Variants in WARS1 observed in about 807,000 individuals in gnomAD.
The protein encoded by WARS1 is tryptophanyl-tRNA synthetase 1, also known as tryptophan--tRNA ligase, cytoplasmic.
Under a neutral mutation model 47.8 loss-of-function variants are expected in WARS1, and 17 were observed. The ratio of observed to expected loss-of-function variants is 0.36; its 90% CI spans 0.24 to 0.53. The LOEUF is 0.53. WARS1 is among the 20% of genes least tolerant of loss of function. The pLI, the probability that WARS1 is intolerant of heterozygous loss-of-function variation, is 0.91. For synonymous variants in WARS1, 208 were observed against 228.1 expected, an observed-to-expected ratio of 0.91 and a Z score of 0.79; for missense variants, 434 against 608.0, an observed-to-expected ratio of 0.71 and a Z score of 3.01.
chr14:100,354,334 C>G, intron 5 of WARS1, 113 bp downstream of exon 5: 1 of 1,470,276 alleles, frequency 6.8e-7, no homozygotes, highest in South Asian at 1.4e-5. Context: ...CTCTTGACAT[C>G]TTGGTTGCTC....
At chr14:100,360,947 C>T (rs957887827) in intron 3 of WARS1, among the ~76,000 whole-genome samples, 2 of 152,040 alleles carry the variant, frequency 1.3e-5, no homozygotes, top group African/African-American at 4.8e-5. Flanking sequence ...GAATGCAGTC[C>T]AGCTAGCAAC....
chr14:100,344,735 G>T (rs1448812966), intron 7 of WARS1, among the ~76,000 whole-genome samples: 1 of 146,992 alleles, frequency 6.8e-6, no homozygotes, highest in Non-Finnish European at 1.5e-5. Flanking sequence ...CTGCCCCGCC[G>T]CCCCGTCTGG....
chr14:100,364,055 C>G lies in WARS1; in HGVS notation c.100-2134G>C, dbSNP rs149796736. On this transcript the variant is annotated intron_variant, in intron 2 of 10. Coordinates refer to ENST00000392882, the MANE Select transcript of WARS1 (RefSeq NM_004184.4). ...GGCGCGTGAGGGTGGCTTCTAGGTG[C>G]TCTCTGCTTGCTGTTGATTTGGGTG... is the stretch of plus-strand genomic sequence containing the variant. Among the ~76,000 whole-genome samples the G allele has an allele frequency of 2.9e-3, 439 of 152,268 alleles. 4 individuals carry two copies. In the East Asian group the frequency reaches 0.037, roughly 13 times the overall value.
At chr14:100,361,659 C>T in intron 3 of WARS1, 49 bp downstream of exon 3, 1 of 1,576,046 alleles carries the variant, frequency 6.3e-7, no homozygotes, top group Non-Finnish European at 8.7e-7. Context: ...CTCAATGGGA[C>T]CACTTCTAAA....
chr14:100,354,087 C>T lies in WARS1; in HGVS notation c.543-218G>A, dbSNP rs80232496. ...CCCTGTGTGCTCTGTGTTAGCTGCTCTACACACTTTGTTTTGAAGCTTTAC... is the reference window on the plus strand; with the variant it reads ...CCCTGTGTGCTCTGTGTTAGCTGCTTTACACACTTTGTTTTGAAGCTTTAC... On this transcript the variant is annotated intron_variant, in intron 5 of 10. Coordinates refer to ENST00000392882, the MANE Select transcript of WARS1 (RefSeq NM_004184.4). 4,747 of 552,242 alleles carry T rather than the reference C, an allele frequency of 8.6e-3. 142 individuals carry two copies. Among genetic ancestry groups the T allele is most frequent in the African/African-American group, 0.072 (3,824 of 53,172 alleles). The allele number at this position is 552,242 out of a possible 1,614,324, so 34.2% of individuals were successfully genotyped here. A position where few individuals can be genotyped will look rare whatever the true frequency, so the allele number is the denominator to read the frequency against.
At chr14:100,366,708 CA>C in intron 2 of WARS1, 1 of 798,518 alleles carries the variant, frequency 1.3e-6, no homozygotes, top group Non-Finnish European at 2.3e-6. Context: ...GAAGGGACAC[CA>C]TTAGAAACTA....
intron 7 of WARS1, among the ~76,000 whole-genome samples, chr14:100,343,957 A>T (rs1436119442): frequency 6.6e-6 from 1 of 152,110 alleles, no homozygotes; most frequent in Non-Finnish European, 1.5e-5. Flanking sequence ...CATTGTAATG[A>T]CTATCCATGT....
chr14:100,353,071 T>A (rs756288305), intron 6 of WARS1: 1 of 152,238 alleles, frequency 6.6e-6, no homozygotes, highest in Non-Finnish European at 1.5e-5. Flanking sequence ...CAGCTGAGGA[T>A]GAAGATCTGA....
At chr14:100,344,716 G>A (rs1455007818) in intron 7 of WARS1, among the ~76,000 whole-genome samples, 7 of 151,242 alleles carry the variant, frequency 4.6e-5, no homozygotes, top group Non-Finnish European at 1.0e-4. Flanking sequence ...TGAGATGTGG[G>A]GAGCGCCTCT....
At chr14:100,354,317 G>C in intron 5 of WARS1, 130 bp downstream of exon 5, 1 of 1,382,306 alleles carries the variant, frequency 7.2e-7, no homozygotes. Context: ...AGCCAAAAAA[G>C]TGCCAACTCT....
chr14:100,337,436 G>A (rs1192623648), intron 9 of WARS1, among the ~76,000 whole-genome samples: 1 of 152,110 alleles, frequency 6.6e-6, no homozygotes, highest in Non-Finnish European at 1.5e-5. Flanking sequence ...GAGAGGTGGG[G>A]GCAGATGAGC....
At position 100,343,334 on chromosome 14, in the gene WARS1, G is replaced by C. The variant is rs2139927357; in HGVS notation, c.880C>G (p.Pro294Ala). 6.2e-7 allele frequency: 1 copy of C among 1,613,442 alleles called. No homozygotes were observed. The highest frequency in any genetic ancestry group is 2.2e-5 in the East Asian group (1 of 44,866). ...TCCGTCCTGTCTCGGAAGATCTGTG[G>C]GAATGAGTTGCTGAAGGAGGGAGCA... ...QAAPSFSNSF[P>A]QIFRDRTDIQ... is the part of the protein sequence containing the mutation. The change falls in exon 8 of 11, where the codon CCA becomes GCA. Residue 294 changes from proline (P) to alanine (A), a missense_variant. Transcript: ENST00000392882.
In WARS1 at chr14:100,346,798, A is replaced by G; in HGVS notation, c.774T>C (p.Val258=). 1 of 1,614,186 alleles carries G rather than the reference A, an allele frequency of 6.2e-7. No homozygotes were observed. Among genetic ancestry groups the G allele is most frequent in the South Asian group, 1.1e-5 (1 of 91,088 alleles). The change falls in exon 7 of 11, where the codon GTT becomes GTC. Residue 258 remains valine (V), a synonymous_variant. Transcript: ENST00000392882. Reference sequence around the variant, plus strand: ...AAATGCCTTTCACTTGGTTGAAGGTAACATGCTTTTGAATCTTCACCACAT... The same window carrying G: ...AAATGCCTTTCACTTGGTTGAAGGTGACATGCTTTTGAATCTTCACCACAT... ...YKNVVKIQKH[V]TFNQVKGIFG...
intron 4 of WARS1, among the ~76,000 whole-genome samples, chr14:100,355,965 C>T (rs187508181): frequency 6.6e-6 from 1 of 152,238 alleles, no homozygotes; most frequent in East Asian, 1.9e-4. Flanking sequence ...TTATGTGGAG[C>T]ATCTGAGAAC....
intron 6 of WARS1, among the ~76,000 whole-genome samples, chr14:100,350,659 T>C (rs2139986008): frequency 6.6e-6 from 1 of 152,272 alleles, no homozygotes; most frequent in Admixed American, 6.5e-5. Context: ...CCAGCATTTA[T>C]ATCCATCAAC....
At chr14:100,361,291 C>T (rs568885172) in intron 3 of WARS1, among the ~76,000 whole-genome samples, 2 of 152,300 alleles carry the variant, frequency 1.3e-5, no homozygotes, top group South Asian at 2.1e-4. Context: ...AGAACTTGCC[C>T]GATGTGAGAA....
At chr14:100,360,234 AT>A (rs1895574911) in intron 4 of WARS1, among the ~76,000 whole-genome samples, 1 of 152,218 alleles carries the variant, frequency 6.6e-6, no homozygotes, top group Admixed American at 6.5e-5. Context: ...GATCTTGGAC[AT>A]ATTATTCTCT....
At chr14:100,366,957 A>C (rs1006299794) in intron 2 of WARS1, 1 of 1,532,772 alleles carries the variant, frequency 6.5e-7, no homozygotes, top group Non-Finnish European at 9.0e-7. Context: ...TGGTTTCTTA[A>C]CTCTCCAAAA....
chr14:100,369,307 C>A, intron 1 of WARS1, 49 bp from the exon 2 acceptor site: 1 of 613,010 alleles, frequency 1.6e-6, no homozygotes. Flanking sequence ...GAGGTTAACA[C>A]AACATCGCGG....
Sources: gnomAD v4.1 joint callset for allele counts (sites outside exome capture counted in the v4.1 genomes callset) on GRCh38, gnomAD v4.1.1 for gene constraint, MANE v1.5 for transcripts, NCBI Gene and HGNC (gene_info 2026-07-23, HGNC 2026-07-21) for gene names.